The following COL24A1 variants were observed in gnomAD, a reference collection of about 807,000 sequenced individuals.
The protein encoded by COL24A1 is collagen type XXIV alpha 1 chain.
Under a neutral mutation model 253.9 loss-of-function variants are expected in COL24A1, and 224 were observed. That is an observed-to-expected ratio of 0.88 (90% CI 0.79 to 0.99). COL24A1 has a LOEUF of 0.99. Among genes scored for constraint, COL24A1 ranks in the 50% least tolerant of loss-of-function variants. COL24A1 has a pLI of 0.00. For synonymous variants in COL24A1, 685 were observed against 673.7 expected (o/e 1.02, Z -0.26); for missense variants, 2,131 against 2,068.5 (o/e 1.03, Z -0.59).
intron 20 of COL24A1, among the ~76,000 whole-genome samples, chr1:85,977,993 C>A (rs1430794928): frequency 1.3e-5 from 2 of 152,032 alleles, no homozygotes; most frequent in African/African-American, 4.8e-5. Context: ...CATCAGGTAG[C>A]CTATAAAGGA....
chr1:86,090,993 CA>C (rs1254930117), intron 6 of COL24A1, among the ~76,000 whole-genome samples: 1 of 151,842 alleles, frequency 6.6e-6, no homozygotes, highest in Non-Finnish European at 1.5e-5. Context: ...AAATAGTCAC[CA>C]AAATTGAGTG....
intron 59 of COL24A1, among the ~76,000 whole-genome samples, chr1:85,731,911 G>C (rs1337593943): frequency 6.6e-6 from 1 of 152,136 alleles, no homozygotes; most frequent in Non-Finnish European, 1.5e-5. Flanking sequence ...AGGCATTTCA[G>C]AGAAAATGAA....
At chr1:85,734,722 A>G (rs1489443700) in intron 59 of COL24A1, 27 bp downstream of exon 59, 1 of 1,580,488 alleles carries the variant, frequency 6.3e-7, no homozygotes, top group African/African-American at 1.3e-5. Flanking sequence ...GTTATATTGA[A>G]CAATTCTAAA....
intron 47 of COL24A1, 95 bp from the exon 48 acceptor site, chr1:85,786,556 GCGTCTGTTAAC>G: frequency 9.2e-7 from 1 of 1,085,448 alleles, no homozygotes; most frequent in Non-Finnish European, 1.3e-6. Context: ...GCCCCGAAAG[GCGTCTGTTAAC>G]ATACTGCCCA....
rs754426232 is a variant in COL24A1 at position 86,022,837 on chromosome 1, T to C, written c.2144A>G (p.Asp715Gly). 5 of 1,556,982 alleles carry C rather than the reference T, an allele frequency of 3.2e-6. No individual in the cohort carries two copies. The South Asian group carries it at 6.3e-5, about 20-fold the overall frequency. Residue 715 changes from aspartate to glycine, a missense_variant, in exon 16 of 60, where the codon GAT (aspartate) becomes GGT (glycine). By Grantham distance (94) the Asp-to-Gly change is moderately conservative (BLOSUM62 -1). Coordinates refer to ENST00000370571, the MANE Select transcript of COL24A1 (RefSeq NM_152890.7). Reference protein sequence around the residue: ...GNKGLPGIKGDKGEQGTAGEL... With the variant: ...GNKGLPGIKGGKGEQGTAGEL... ...TAATATTAATATTTAAATCACCTTATCACCTTTGATTCCAGGTAGTCCTTT... is the reference window on the plus strand; with the variant it reads ...TAATATTAATATTTAAATCACCTTACCACCTTTGATTCCAGGTAGTCCTTT...
rs756109593 is a variant in COL24A1, at chr1:85,868,541, C to T, written c.3278G>A (p.Arg1093Lys). 1 of 1,613,796 alleles carries T rather than the reference C, an allele frequency of 6.2e-7. No homozygotes were observed. The highest frequency in any genetic ancestry group is 8.5e-7 in the Non-Finnish European group (1 of 1,179,766). ...TACCGGAAGGCCTGTTTGGCCTGATCTACCCAAGGGTCCTATAATTCCTGG... is the reference window on the plus strand; with the variant it reads ...TACCGGAAGGCCTGTTTGGCCTGATTTACCCAAGGGTCCTATAATTCCTGG... The part of the protein sequence containing the change: ...GLPGIIGPLG[R>K]SGQTGLPGPE... The change falls in exon 37 of 60, where the codon AGA becomes AAA. Residue 1093 changes from arginine (R) to lysine (K), a missense_variant. Arg to Lys is a conservative substitution (Grantham distance 26). Coordinates refer to ENST00000370571, the MANE Select transcript of COL24A1 (RefSeq NM_152890.7).
At chr1:85,793,066 A>AT (rs1218239038) in intron 47 of COL24A1, among the ~76,000 whole-genome samples, 1 of 151,722 alleles carries the variant, frequency 6.6e-6, no homozygotes, top group Non-Finnish European at 1.5e-5. Context: ...GTACCAAAGC[A>AT]TTTTTTCCTT....
At chr1:86,017,239 A>T (rs557928) in intron 18 of COL24A1, 35 bp from the exon 19 acceptor site, 424,623 of 1,496,604 alleles carry the variant, frequency 0.28, 62,348 homozygotes, top group Middle Eastern at 0.49. Context: ...GTATAAACAT[A>T]AACTTAATAA....
chr1:85,978,448 C>G (rs1186026058), intron 20 of COL24A1, among the ~76,000 whole-genome samples: 1 of 151,964 alleles, frequency 6.6e-6, no homozygotes, highest in Non-Finnish European at 1.5e-5. Flanking sequence ...AAAAATCCAT[C>G]AATTAAGTAT....
intron 24 of COL24A1, among the ~76,000 whole-genome samples, chr1:85,948,296 G>T (rs1009323542): frequency 5.3e-5 from 8 of 151,620 alleles, no homozygotes; most frequent in African/African-American, 1.9e-4. Flanking sequence ...AGGCCGAGGC[G>T]GGCGGATCAC....
At chr1:85,965,210 T>C (rs2100711948) in intron 22 of COL24A1, 148 bp from the exon 23 acceptor site, 1 of 646,656 alleles carries the variant, frequency 1.5e-6, no homozygotes. Flanking sequence ...CATACTCATT[T>C]GCCATTCATT....
chr1:85,783,716 A>G (rs867074937), intron 50 of COL24A1, among the ~76,000 whole-genome samples, 158 bp from the exon 51 acceptor site: 2 of 152,226 alleles, frequency 1.3e-5, no homozygotes, highest in Non-Finnish European at 2.9e-5. Context: ...GAGGCCTACA[A>G]TTTACTTAGA....
intron 57 of COL24A1, among the ~76,000 whole-genome samples, chr1:85,740,546 C>T (rs948199974): frequency 2.0e-5 from 3 of 152,010 alleles, no homozygotes; most frequent in African/African-American, 7.2e-5. Context: ...ACCTCCACCC[C>T]CTGCAGGCTC....
At chr1:86,090,870 A>C (rs1703445369) in intron 6 of COL24A1, among the ~76,000 whole-genome samples, 1 of 152,152 alleles carries the variant, frequency 6.6e-6, no homozygotes, top group African/African-American at 2.4e-5. Flanking sequence ...ACATGCTTCC[A>C]AGTCTGAATT....
At chr1:85,895,756 T>G (rs1367487845) in intron 31 of COL24A1, 102 bp downstream of exon 31, 3 of 905,946 alleles carry the variant, frequency 3.3e-6, no homozygotes, top group East Asian at 5.3e-5. Context: ...ATATATATAA[T>G]TTTTATGTGT....
chr1:86,035,451 C>T (rs990063810), intron 12 of COL24A1, among the ~76,000 whole-genome samples: 9 of 151,976 alleles, frequency 5.9e-5, no homozygotes, highest in Admixed American at 5.3e-4. Flanking sequence ...TTTCCAGAAA[C>T]CCCAGTGAAA....
chr1:85,986,895 C>T (rs535106793), intron 20 of COL24A1, among the ~76,000 whole-genome samples: 1 of 151,958 alleles, frequency 6.6e-6, no homozygotes, highest in Admixed American at 6.6e-5. Context: ...ATTCATAATG[C>T]TTTATTTGCT....
chr1:86,097,573 C>T lies in COL24A1; in HGVS notation c.1600-5253G>A, dbSNP rs1360664014. On this transcript the variant is annotated intron_variant, in intron 5 of 59. Coordinates refer to ENST00000370571, the MANE Select transcript of COL24A1 (RefSeq NM_152890.7). The stretch of plus-strand genomic sequence containing the variant: ...CTCCTCCTCCCTTCTCCTCCCCCTC[C>T]TCCTCCCCCCTCCTCCTCCCTCGTC... Among the ~76,000 whole-genome samples, 6 of 5,358 alleles carry T rather than the reference C, an allele frequency of 1.1e-3. 1 individual carries two copies. The Admixed American group carries it at 0.011, about 10-fold the overall frequency. 3.5% of individuals were successfully genotyped at this position (5,358 alleles called of 152,430 possible).
intron 47 of COL24A1, among the ~76,000 whole-genome samples, chr1:85,791,107 A>T (rs748558305): frequency 2.0e-5 from 3 of 152,172 alleles, no homozygotes; most frequent in Non-Finnish European, 4.4e-5. Context: ...GCTGCTTGAA[A>T]TGTTGAGGAC....
Sources: allele counts gnomAD v4.1 joint callset (sites outside exome capture counted in the v4.1 genomes callset), GRCh38; gene constraint gnomAD v4.1.1; transcripts MANE v1.5; gene names NCBI Gene and HGNC (gene_info 2026-07-23, HGNC 2026-07-21).